ZBTB40: variants seen among roughly 807,000 people sequenced by gnomAD.
The protein encoded by ZBTB40 is zinc finger and BTB domain-containing protein 40.
In ZBTB40, 60 loss-of-function variants were observed where a neutral mutation model predicts 117.5. The ratio of observed to expected loss-of-function variants is 0.51; its 90% CI spans 0.41 to 0.63. The LOEUF (loss-of-function observed/expected upper bound fraction) is 0.63. Among genes scored for constraint, ZBTB40 ranks in the 30% least tolerant of loss-of-function variants. The pLI is 0.00. For synonymous variants in ZBTB40, 525 were observed against 577.1 expected (o/e 0.91, Z 1.29); for missense variants, 1,287 against 1,498.5 (o/e 0.86, Z 2.33).
chr1:22,511,807 G>A lies in ZBTB40; in HGVS notation c.2134G>A (p.Gly712Arg). 2.5e-6 allele frequency: 4 copies of A among 1,614,066 alleles called. No individual in the cohort carries two copies. Among genetic ancestry groups the A allele is most frequent in the Middle Eastern group, 1.6e-4 (1 of 6,062 alleles). Reference protein sequence around the residue: ...DSQPGEQNDQGETGSLPGQQE... With the variant: ...DSQPGEQNDQRETGSLPGQQE... ...CCAGCCTGGGGAACAGAATGATCAA[G>A]GAGAGACTGGTTCCTTGCCAGGACA... Residue 712 changes from glycine (G) to arginine (R), a missense_variant, in exon 11 of 18, where the codon GGA (glycine) becomes AGA (arginine). Around this residue, in one of 2 missense-constraint regions of ZBTB40, gnomAD observed 870 missense variants for 934.4 expected, o/e 0.93. Coordinates refer to ENST00000375647, the MANE Select transcript of ZBTB40 (RefSeq NM_014870.4).
At chr1:22,476,509 C>T (rs935084387) in intron 1 of ZBTB40, among the ~76,000 whole-genome samples, 5 of 152,334 alleles carry the variant, frequency 3.3e-5, no homozygotes, top group Non-Finnish European at 7.3e-5. Context: ...CGTGAGCCAC[C>T]ACGCCCAGCC....
chr1:22,525,677 A>C (rs1639656330), intron 17 of ZBTB40, among the ~76,000 whole-genome samples: 1 of 152,272 alleles, frequency 6.6e-6, no homozygotes, highest in Non-Finnish European at 1.5e-5. Flanking sequence ...GAGCTGAATG[A>C]ATGCGTGGAG....
intron 3 of ZBTB40, among the ~76,000 whole-genome samples, chr1:22,493,379 A>G (rs980440870): frequency 2.0e-5 from 3 of 152,248 alleles, no homozygotes; most frequent in Non-Finnish European, 4.4e-5. Context: ...CTTTAAGAAT[A>G]TAAGATTAAA....
intron 2 of ZBTB40, among the ~76,000 whole-genome samples, chr1:22,490,867 C>T (rs1638610315): frequency 6.6e-6 from 1 of 152,056 alleles, no homozygotes; most frequent in Non-Finnish European, 1.5e-5. Flanking sequence ...AATGACGTAC[C>T]ATTTCGATAA....
intron 1 of ZBTB40, among the ~76,000 whole-genome samples, chr1:22,487,076 T>G (rs1033554044): frequency 2.6e-5 from 4 of 152,178 alleles, no homozygotes; most frequent in African/African-American, 9.7e-5. Context: ...TGTGTCTGCC[T>G]GTCTGTCTCT....
intron 1 of ZBTB40, among the ~76,000 whole-genome samples, chr1:22,446,101 A>G (rs1640785735): frequency 6.6e-6 from 1 of 152,144 alleles, no homozygotes; most frequent in African/African-American, 2.4e-5. Context: ...AAGAAATGCT[A>G]GAGATAAAAA....
At chr1:22,522,539 A>C in intron 16 of ZBTB40, 76 bp downstream of exon 16, 1 of 1,427,908 alleles carries the variant, frequency 7.0e-7, no homozygotes, top group South Asian at 1.1e-5. Context: ...CAGCTTTGCA[A>C]CCTAGGCTAA....
At chr1:22,478,801 T>C (rs1446421888) in intron 1 of ZBTB40, among the ~76,000 whole-genome samples, 5 of 152,230 alleles carry the variant, frequency 3.3e-5, no homozygotes, top group African/African-American at 9.6e-5. Context: ...AATTGAGATA[T>C]AATTAACATA....
chr1:22,431,378 GTGTGTGTATA>G (rs1310595978), intron 1 of ZBTB40, among the ~76,000 whole-genome samples: 4 of 17,346 alleles, frequency 2.3e-4, no homozygotes, highest in South Asian at 3.3e-3. Flanking sequence ...GTGTGTGTGT[GTGTGTGTATA>G]TATATATATA....
chr1:22,513,164 C>A lies in ZBTB40; in HGVS notation c.2668+34C>A. On this transcript the variant is annotated intron_variant, in intron 12 of 17. Coordinates refer to ENST00000375647, the MANE Select transcript of ZBTB40 (RefSeq NM_014870.4). This position sits in a 1 kb window ranked among gnomAD's most constrained non-coding sequence, Gnocchi z 4.9. The stretch of plus-strand genomic sequence containing the variant: ...GGGCACAGTTCATTTCTCCTGCAGA[C>A]TTTCACTGCGAACTGCCTAAACCCC... 2 of 1,603,596 alleles carry A rather than the reference C, an allele frequency of 1.2e-6. No individual in the cohort carries two copies. Among genetic ancestry groups the A allele is most frequent in the Non-Finnish European group, 1.7e-6 (2 of 1,174,416 alleles).
At chr1:22,468,643 C>CTTTTT (rs71020424) in intron 1 of ZBTB40, among the ~76,000 whole-genome samples, 8 of 28,610 alleles carry the variant, frequency 2.8e-4, no homozygotes, top group Non-Finnish European at 3.6e-4. Flanking sequence ...GCCTGGCTGG[C>CTTTTT]TTTTTTTTTT....
chr1:22,438,431 A>T (rs1420882091), intron 1 of ZBTB40, among the ~76,000 whole-genome samples: 2 of 152,222 alleles, frequency 1.3e-5, no homozygotes, highest in Non-Finnish European at 1.5e-5. Flanking sequence ...GTCAATGGAC[A>T]CTTAGAGTTG....
At chr1:22,507,935 A>G (rs549950265) in intron 6 of ZBTB40, 66 bp from the exon 7 acceptor site, 8 of 1,612,024 alleles carry the variant, frequency 5.0e-6, no homozygotes, top group African/African-American at 1.3e-5. Flanking sequence ...CATTGGTAAT[A>G]TCCTGGAGTC....
At position 22,524,428 on chromosome 1, in the gene ZBTB40, C is replaced by A; in HGVS notation, c.3509C>A (p.Ala1170Asp). ...KVMSTETQAA[A>D]SQMAQVIQTP... ...ATGAGCACGGAAACCCAGGCCGCAG[C>A]CTCACAGATGGCGCAGGTGATTCTG... is the stretch of plus-strand genomic sequence containing the variant. Residue 1170 changes from alanine (A) to aspartate (D), a missense_variant, in exon 17 of 18, where the codon GCC (alanine) becomes GAC (aspartate). This residue lies in a region of ZBTB40 where 417 missense variants were observed against 564.1 expected (regional missense o/e 0.74). Coordinates refer to ENST00000375647, the MANE Select transcript of ZBTB40 (RefSeq NM_014870.4). 6.2e-7 allele frequency: 1 copy of A among 1,613,900 alleles called. No individual in the cohort carries two copies. Among genetic ancestry groups the A allele is most frequent in the Non-Finnish European group, 8.5e-7 (1 of 1,180,054 alleles).
In ZBTB40 at chr1:22,521,625, G is replaced by A. The variant is rs1476770946; in HGVS notation, c.3178G>A (p.Glu1060Lys). ...TGACAAAACCTTCCCCAACACCATT[G>A]AGCACAAGAAGCACATCAAAGCAGA... Reference protein sequence around the residue: ...SCDKTFPNTIEHKKHIKAEHA... With the variant: ...SCDKTFPNTIKHKKHIKAEHA... The change falls in exon 15 of 18, where the codon GAG becomes AAG. Residue 1060 changes from glutamate to lysine, a missense_variant. By Grantham distance (56) the Glu-to-Lys change is moderately conservative. This residue lies in a region of ZBTB40 where 417 missense variants were observed against 564.1 expected (regional missense o/e 0.74). Transcript: ENST00000375647. The A allele has an allele frequency of 1.9e-6, 3 of 1,614,150 alleles. No individual in the cohort carries two copies. Among genetic ancestry groups the A allele is most frequent in the South Asian group, 1.1e-5 (1 of 91,080 alleles).
At position 22,526,279 on chromosome 1, in the gene ZBTB40, G is replaced by A; in HGVS notation, c.3603G>A (p.Gln1201=). The stretch of plus-strand genomic sequence containing the variant: ...AGGAGACCCAGCTTGCCGGGTCGCA[G>A]GTGTTTGTGACGTTGCCAGATTCTC... ...TLEETQLAGS[Q]VFVTLPDSQA... The change falls in exon 18 of 18, where the codon CAG becomes CAA. Residue 1201 remains glutamine (Q), a synonymous_variant. Coordinates refer to ENST00000375647, the MANE Select transcript of ZBTB40 (RefSeq NM_014870.4). The A allele has an allele frequency of 6.2e-7, 1 of 1,614,210 alleles. No homozygotes were observed. Among genetic ancestry groups the A allele is most frequent in the Non-Finnish European group, 8.5e-7 (1 of 1,180,040 alleles).
At chr1:22,508,774 A>G (rs371767000) in intron 8 of ZBTB40, 43 bp downstream of exon 8, 7 of 1,583,478 alleles carry the variant, frequency 4.4e-6, no homozygotes, top group Admixed American at 1.7e-5. Context: ...CCCACTAGAG[A>G]TGACTGTCAG....
At chr1:22,515,885 T>C (rs1639360649) in intron 12 of ZBTB40, among the ~76,000 whole-genome samples, 2 of 152,206 alleles carry the variant, frequency 1.3e-5, no homozygotes, top group African/African-American at 4.8e-5. Flanking sequence ...AAGTTAATTC[T>C]GGCCACTCCA....
In ZBTB40 at chr1:22,506,243, T is replaced by C. The variant is rs766627088; in HGVS notation, c.1360+2T>C. 1.2e-6 allele frequency: 2 copies of C among 1,614,070 alleles called. No homozygotes were observed. Among genetic ancestry groups the C allele is most frequent in the South Asian group, 2.2e-5 (2 of 91,088 alleles). On this transcript the variant is annotated splice_donor_variant, in intron 6 of 17. Coordinates refer to ENST00000375647, the MANE Select transcript of ZBTB40 (RefSeq NM_014870.4). LOFTEE classifies it high-confidence loss of function. ...CAGCCACTTTGCCAAGCACCACAGG[T>C]ATTAGTAAATTGTTGACTCTCTGGA...
Sources: allele counts gnomAD v4.1 joint callset (sites outside exome capture counted in the v4.1 genomes callset), GRCh38; gene constraint gnomAD v4.1.1; regional missense constraint gnomAD v4.1.1; non-coding constraint Gnocchi (gnomAD v3.1); transcripts MANE v1.5; gene names NCBI Gene and HGNC (gene_info 2026-07-23, HGNC 2026-07-21).